Variants in UNC45A observed in about 807,000 individuals in gnomAD.
The protein encoded by UNC45A is protein unc-45 homolog A.
Under a neutral mutation model 103.2 loss-of-function variants are expected in UNC45A, and 78 were observed. That is an observed-to-expected ratio of 0.76 (90% confidence interval 0.63 to 0.91). The LOEUF is 0.91. Ranked by LOEUF, UNC45A falls within the 40% of genes least tolerant of loss-of-function variation. The pLI is 0.00. For missense variants in UNC45A, 1,193 were observed against 1,224.8 expected (o/e 0.97, Z 0.39); for synonymous variants, 495 against 504.6 (o/e 0.98, Z 0.25).
At chr15:90,932,354 C>T, upstream of UNC45A, 1 of 927,438 alleles carries the variant, frequency 1.1e-6, no homozygotes. Flanking sequence ...CAATGAGGTG[C>T]ACGCCCCCCA....
chr15:90,940,273 T>C (rs751137767), intron 5 of UNC45A, 33 bp from the exon 6 acceptor site: 2 of 1,596,114 alleles, frequency 1.3e-6, no homozygotes, highest in African/African-American at 2.7e-5. Flanking sequence ...CCGTGTGCAG[T>C]GTCAACATTA....
intron 15 of UNC45A, 183 bp from the exon 16 acceptor site, chr15:90,949,971 C>T (rs1279745030): frequency 5.9e-6 from 4 of 682,770 alleles, no homozygotes; most frequent in African/African-American, 3.6e-5. Context: ...TGGTGCTCAG[C>T]ACAATCCATG....
upstream of UNC45A, chr15:90,932,362 C>T: frequency 9.9e-7 from 1 of 1,005,526 alleles, no homozygotes; most frequent in Non-Finnish European, 1.4e-6. Flanking sequence ...TGCACGCCCC[C>T]CACGTTTCCT....
At chr15:90,948,874 C>T (rs2036728663) in intron 13 of UNC45A, 80 bp downstream of exon 13, 5 of 1,300,012 alleles carry the variant, frequency 3.8e-6, no homozygotes, top group Non-Finnish European at 5.0e-6. Context: ...GAACAACCTC[C>T]CTTTTTTTTT....
chr15:90,946,739 T>G lies in UNC45A; in HGVS notation c.1325T>G (p.Val442Gly). The G allele has an allele frequency of 6.2e-7, 1 of 1,613,840 alleles. No individual in the cohort carries two copies. Among genetic ancestry groups the G allele is most frequent in the Non-Finnish European group, 8.5e-7 (1 of 1,180,028 alleles). The part of the protein sequence containing the change: ...ALELSGVMES[V>G]IALCASEQEE... ...GAGCTGAGCGGTGTCATGGAGAGTG[T>G]GATTGCTCTGTGTGCCTCTGAGCAG... The change falls in exon 10 of 20, where the codon GTG becomes GGG. Residue 442 changes from valine (V) to glycine (G), a missense_variant. Transcript: ENST00000418476.
At chr15:90,951,525 G>C (rs1016982004) in intron 17 of UNC45A, among the ~76,000 whole-genome samples, 3 of 152,168 alleles carry the variant, frequency 2.0e-5, no homozygotes, top group Non-Finnish European at 4.4e-5. Flanking sequence ...CAATTTGGGA[G>C]GATGAGGCAG....
chr15:90,932,695 C>A (rs138475504), upstream of UNC45A: 649 of 418,386 alleles, frequency 1.6e-3, 5 homozygotes, highest in African/African-American at 0.012. Context: ...GACCGGCCCG[C>A]GCAGAGAGCA....
intron 17 of UNC45A, among the ~76,000 whole-genome samples, chr15:90,951,385 T>C (rs543234187): frequency 6.6e-6 from 1 of 152,328 alleles, no homozygotes; most frequent in East Asian, 1.9e-4. Flanking sequence ...TGCAAAACAG[T>C]AGTGATGATG....
upstream of UNC45A, chr15:90,932,477 G>A (rs868041767): frequency 2.3e-6 from 3 of 1,312,404 alleles, no homozygotes; most frequent in Non-Finnish European, 2.9e-6. Flanking sequence ...TTCCGCCGCT[G>A]CTGCCGGTGC....
rs578113930 is a variant in UNC45A at position 90,947,032 on chromosome 15, CA to C, written c.1500+125del. On this transcript the variant is annotated intron_variant, in intron 10 of 19. Transcript: ENST00000418476. ...ATGAAAATAAGGAATACTGTAATGCCAAAAAAATTAGCTAGGCTTGGTGGTG... is the reference window on the plus strand; with the variant it reads ...ATGAAAATAAGGAATACTGTAATGCCAAAAAATTAGCTAGGCTTGGTGGTG... 4,483 of 1,252,994 alleles carry C rather than the reference CA, an allele frequency of 3.6e-3. 13 individuals carry two copies. The highest frequency in any genetic ancestry group is 4.3e-3 in the Non-Finnish European group (3,873 of 908,942). 77.6% of individuals were successfully genotyped at this position (1,252,994 alleles called of 1,614,324 possible). A position where few individuals can be genotyped will look rare whatever the true frequency, so the allele number is the denominator to read the frequency against.
intron 2 of UNC45A, 24 bp downstream of exon 2, chr15:90,935,729 C>T: frequency 6.5e-7 from 1 of 1,538,146 alleles, no homozygotes; most frequent in South Asian, 1.3e-5. Context: ...GCGCTCTTCC[C>T]CTCGCCCGCC....
At chr15:90,947,973 C>CT in intron 11 of UNC45A, 83 bp downstream of exon 11, 1 of 1,433,026 alleles carries the variant, frequency 7.0e-7, no homozygotes, top group South Asian at 1.2e-5. Flanking sequence ...TTGGGGCCTC[C>CT]TCCGTCCTGC....
chr15:90,953,098 G>A, intron 18 of UNC45A, 52 bp downstream of exon 18: 3 of 1,613,354 alleles, frequency 1.9e-6, no homozygotes, highest in Non-Finnish European at 8.5e-7. Context: ...AGGTACCTGT[G>A]CCCTGGCTGG....
chr15:90,949,120 C>T (rs1041348465), intron 13 of UNC45A, among the ~76,000 whole-genome samples, 196 bp from the exon 14 acceptor site: 1 of 152,134 alleles, frequency 6.6e-6, no homozygotes, highest in Non-Finnish European at 1.5e-5. Flanking sequence ...TCGTGATCCG[C>T]CTGCCTCAGC....
chr15:90,932,473 CGCT>C, upstream of UNC45A: 1 of 1,323,954 alleles, frequency 7.6e-7, no homozygotes, highest in Non-Finnish European at 9.6e-7. Context: ...GTCCTTCCGC[CGCT>C]GCTGCCGGTG....
upstream of UNC45A, chr15:90,932,476 T>TACACAA: frequency 1.5e-6 from 2 of 1,315,110 alleles, no homozygotes; most frequent in Non-Finnish European, 9.7e-7. Context: ...CTTCCGCCGC[T>TACACAA]GCTGCCGGTG....
intron 8 of UNC45A, among the ~76,000 whole-genome samples, chr15:90,944,434 C>T (rs1385221714): frequency 6.6e-6 from 1 of 151,940 alleles, no homozygotes; most frequent in African/African-American, 2.4e-5. Flanking sequence ...CTTGCATGAG[C>T]AGGGCCTTTC....
At position 90,935,962 on chromosome 15, in the gene UNC45A, C is replaced by CA. The variant is rs988703501; in HGVS notation, c.231dup (p.Glu78ArgfsTer9). On this transcript the variant is annotated frameshift_variant, in exon 3 of 20. Transcript: ENST00000418476. LOFTEE classifies it high-confidence loss of function. The stretch of plus-strand genomic sequence containing the variant: ...CTCTTACAGGAAGATTACGACAAAG[C>CA]AGAAACAGAGGCATCCAAAGGTAGG... 5 of 1,614,084 alleles carry CA rather than the reference C, an allele frequency of 3.1e-6. No homozygotes were observed. The highest frequency in any genetic ancestry group is 2.5e-6 in the Non-Finnish European group (3 of 1,180,012).
At position 90,935,974 on chromosome 15, in the gene UNC45A, C is replaced by T; in HGVS notation, c.242C>T (p.Ala81Val). ...GATTACGACAAAGCAGAAACAGAGG[C>T]ATCCAAAGGTAGGGGAATGGTGGGC... is the stretch of plus-strand genomic sequence containing the variant. ...LEDYDKAETEASKAIEKDGGD... is the reference protein window; with the variant it reads ...LEDYDKAETEVSKAIEKDGGD... Residue 81 changes from alanine to valine, a missense_variant, in exon 3 of 20, where the codon GCA (alanine) becomes GTA (valine). Coordinates refer to ENST00000418476, the MANE Select transcript of UNC45A (RefSeq NM_018671.5). The T allele has an allele frequency of 6.2e-7, 1 of 1,614,060 alleles. No individual in the cohort carries two copies. The highest frequency in any genetic ancestry group is 8.5e-7 in the Non-Finnish European group (1 of 1,180,014).
Sources: gnomAD v4.1 joint callset for allele counts (sites outside exome capture counted in the v4.1 genomes callset) on GRCh38, gnomAD v4.1.1 for gene constraint, MANE v1.5 for transcripts, NCBI Gene and HGNC (gene_info 2026-07-23, HGNC 2026-07-21) for gene names.